The following LINGO2 variants were observed in gnomAD, a reference collection of about 807,000 sequenced individuals.
LINGO2 encodes leucine-rich repeat and immunoglobulin-like domain-containing nogo receptor-interacting protein 2.
A neutral mutation model predicts 30.6 loss-of-function variants in LINGO2; 14 were observed. That is an observed-to-expected ratio of 0.46 (90% CI 0.30 to 0.72). LINGO2 has a LOEUF of 0.72. LINGO2 is among the 30% of genes least tolerant of loss of function. The pLI, the probability that LINGO2 is intolerant of heterozygous loss-of-function variation, is 0.07. For missense variants in LINGO2, 729 were observed against 751.7 expected (o/e 0.97, Z 0.35); for synonymous variants, 317 against 288.5 (o/e 1.10, Z -1.00).
At chr9:28,476,421 G>T (rs1027013713) in intron 1 of LINGO2, among the ~76,000 whole-genome samples, 1 of 151,974 alleles carries the variant, frequency 6.6e-6, no homozygotes. Flanking sequence ...GACTACAGGC[G>T]CCCGCCACCA....
At chr9:28,988,881 C>A in the LINGO2 span, among the ~76,000 whole-genome samples, 1 of 152,132 alleles carries the variant, frequency 6.6e-6, no homozygotes, top group Non-Finnish European at 1.5e-5. Context: ...GCCAGTGTTT[C>A]AGGTTTTTTT....
chr9:28,343,157 C>G (rs745988377), intron 3 of LINGO2, among the ~76,000 whole-genome samples: 4 of 152,134 alleles, frequency 2.6e-5, no homozygotes, highest in Non-Finnish European at 5.9e-5. Flanking sequence ...TAAGTGTTGT[C>G]TGTTTAGAAA....
chr9:28,385,547 T>C (rs1413162155), intron 2 of LINGO2, among the ~76,000 whole-genome samples: 1 of 152,136 alleles, frequency 6.6e-6, no homozygotes, highest in Non-Finnish European at 1.5e-5. Context: ...CAAATAAAAT[T>C]AGGCTTTGTG....
intron 4 of LINGO2, among the ~76,000 whole-genome samples, chr9:28,016,164 C>T (rs772835484): frequency 6.6e-6 from 1 of 151,938 alleles, no homozygotes; most frequent in Non-Finnish European, 1.5e-5. Context: ...AGCTAATATC[C>T]AAGAATAATC....
chr9:28,139,209 T>TA (rs538592301), intron 4 of LINGO2, among the ~76,000 whole-genome samples: 93 of 152,272 alleles, frequency 6.1e-4, no homozygotes, highest in African/African-American at 2.2e-3. Context: ...CAGTTATTAC[T>TA]AAAAAAGTCA....
the LINGO2 span, among the ~76,000 whole-genome samples, chr9:29,123,554 G>A: frequency 2.4e-3 from 362 of 151,874 alleles, 4 homozygotes; most frequent in Middle Eastern, 0.027. Flanking sequence ...ATCCTAGATA[G>A]TGAAGAGATA....
At chr9:28,564,263 T>G (rs1823251624) in intron 1 of LINGO2, among the ~76,000 whole-genome samples, 1 of 152,118 alleles carries the variant, frequency 6.6e-6, no homozygotes, top group South Asian at 2.1e-4. Flanking sequence ...TTTCAAAATG[T>G]AATCAATCAT....
chr9:28,137,004 C>T (rs888576052), intron 4 of LINGO2, among the ~76,000 whole-genome samples: 3 of 152,050 alleles, frequency 2.0e-5, no homozygotes, highest in Non-Finnish European at 2.9e-5. Flanking sequence ...GACATGGACT[C>T]GGACTGGAAT....
the LINGO2 span, among the ~76,000 whole-genome samples, chr9:28,993,400 G>A: frequency 1.3e-5 from 2 of 152,140 alleles, no homozygotes; most frequent in African/African-American, 2.4e-5. Flanking sequence ...AAAGAGTCCA[G>A]GACCAGATGG....
intron 4 of LINGO2, among the ~76,000 whole-genome samples, chr9:28,103,421 C>T (rs1216074405): frequency 2.0e-5 from 3 of 152,048 alleles, no homozygotes; most frequent in Non-Finnish European, 2.9e-5. Context: ...ACTTCCCAAC[C>T]GAGGCCCTAA....
intron 1 of LINGO2, among the ~76,000 whole-genome samples, chr9:28,628,767 A>C (rs1288450027): frequency 6.6e-6 from 1 of 152,070 alleles, no homozygotes; most frequent in African/African-American, 2.4e-5. Context: ...TGTCTCAATA[A>C]AATTATTTCC....
In LINGO2 at chr9:28,558,053, G is replaced by A. The variant is rs557563738; in HGVS notation, c.-364-82028C>T. On this transcript the variant is annotated intron_variant, in intron 1 of 5. Coordinates refer to ENST00000379992, the Ensembl canonical transcript of LINGO2. ...GGAGATATACCTAATGCTAGATGAC[G>A]AGTTAGTGGGTGCAGCACACCAGCA... is the stretch of plus-strand genomic sequence containing the variant. Among the ~76,000 whole-genome samples, 141 of 149,568 alleles carry A rather than the reference G, an allele frequency of 9.4e-4. 1 individual carries two copies. The highest frequency in any genetic ancestry group is 1.7e-3 in the Non-Finnish European group (118 of 67,502).
At chr9:28,714,068 A>G in the LINGO2 span, among the ~76,000 whole-genome samples, 5 of 151,406 alleles carry the variant, frequency 3.3e-5, no homozygotes, top group African/African-American at 1.2e-4. Context: ...CTGAGGCAGG[A>G]GAATCGCTTG....
chr9:28,575,927 T>TACACACACACAC (rs3065641), intron 1 of LINGO2, among the ~76,000 whole-genome samples: 6 of 149,422 alleles, frequency 4.0e-5, no homozygotes, highest in East Asian at 2.0e-4. Context: ...AGCCTTGAAA[T>TACACACACACAC]ACACACACAC....
At chr9:28,117,933 G>T (rs62556528) in intron 4 of LINGO2, among the ~76,000 whole-genome samples, 28,854 of 152,122 alleles carry the variant, frequency 0.19, 2,798 homozygotes, top group Middle Eastern at 0.32. Flanking sequence ...AAGAATAAAG[G>T]CATGAAGTGT....
At chr9:28,716,161 TA>T in the LINGO2 span, among the ~76,000 whole-genome samples, 200 of 144,614 alleles carry the variant, frequency 1.4e-3, 1 homozygote, top group South Asian at 9.6e-3. Flanking sequence ...TTTTCAGCAT[TA>T]AAAAAAAAAA....
intron 2 of LINGO2, among the ~76,000 whole-genome samples, chr9:28,409,078 G>C (rs988650848): frequency 4.6e-5 from 7 of 151,936 alleles, no homozygotes; most frequent in Non-Finnish European, 1.0e-4. Context: ...CTCCCACTGG[G>C]CACCTGTCTA....
chr9:28,934,852 C>G, the LINGO2 span, among the ~76,000 whole-genome samples: 2 of 152,042 alleles, frequency 1.3e-5, no homozygotes, highest in African/African-American at 2.4e-5. Context: ...ATTCAGATTG[C>G]CTTGGTAATA....
chr9:28,884,549 G>T, the LINGO2 span, among the ~76,000 whole-genome samples: 1 of 151,752 alleles, frequency 6.6e-6, no homozygotes, highest in Non-Finnish European at 1.5e-5. Context: ...TAGGACAGAG[G>T]TTCAATTATC....
Sources: gnomAD v4.1 joint callset for allele counts (sites outside exome capture counted in the v4.1 genomes callset) on GRCh38, gnomAD v4.1.1 for gene constraint, MANE v1.5 for transcripts, NCBI Gene and HGNC (gene_info 2026-07-23, HGNC 2026-07-21) for gene names.